Variants in GPR39 observed in about 807,000 individuals in gnomAD.
GPR39 encodes the protein G protein-coupled receptor 39.
GPR39 carries 23 observed loss-of-function variants against 18.4 expected under a neutral mutation model. The ratio of observed to expected loss-of-function variants is 1.25; its 90% CI spans 0.90 to 1.77. The LOEUF (loss-of-function observed/expected upper bound fraction) is 1.77, where lower values mean the gene tolerates loss of function less well. GPR39 is among the 40% of genes most tolerant of loss of function. The probability of loss-of-function intolerance (pLI) is 0.00; values close to 1 mark genes in which losing one functional copy is unlikely to be tolerated. For missense variants in GPR39, 647 were observed against 602.4 expected (o/e 1.07, Z -0.78); for synonymous variants, 280 against 257.9 (o/e 1.09, Z -0.82).
At chr2:132,490,640 C>T (rs1475564600) in intron 1 of GPR39, among the ~76,000 whole-genome samples, 1 of 151,806 alleles carries the variant, frequency 6.6e-6, no homozygotes, top group African/African-American at 2.4e-5. Flanking sequence ...GAATGTGAGG[C>T]AGGAGGGGGA....
intron 1 of GPR39, among the ~76,000 whole-genome samples, chr2:132,584,308 G>A (rs1013519992): frequency 6.6e-6 from 1 of 152,144 alleles, no homozygotes; most frequent in Middle Eastern, 3.2e-3. Flanking sequence ...AAAGGCCTGC[G>A]TGTTCCTCTC....
At chr2:132,613,053 A>G (rs770706121) in intron 1 of GPR39, among the ~76,000 whole-genome samples, 1 of 152,208 alleles carries the variant, frequency 6.6e-6, no homozygotes, top group South Asian at 2.1e-4. Context: ...ATATTTTAAA[A>G]TGCTATTATG....
Position 132,500,221 on chromosome 2 carries a change from G to A in GPR39, c.856+82323G>A, listed in dbSNP as rs535376936. Among the ~76,000 whole-genome samples the A allele has an allele frequency of 3.9e-5, 6 of 152,234 alleles. No individual in the cohort carries two copies. The East Asian group carries it at 1.2e-3, about 29-fold the overall frequency. On this transcript the variant is annotated intron_variant, in intron 1 of 1. Coordinates refer to ENST00000329321, the MANE Select transcript of GPR39 (RefSeq NM_001508.3). ...TCAGTATAATGTTGGCTGTGGGTTT[G>A]TCATAGATGGCTTTTATTACCTTAA...
intron 1 of GPR39, among the ~76,000 whole-genome samples, chr2:132,575,807 A>G (rs1162211561): frequency 6.6e-6 from 1 of 152,188 alleles, no homozygotes; most frequent in Non-Finnish European, 1.5e-5. Context: ...CCTAAAATTG[A>G]TATGATGTAA....
rs754557781 is a variant in GPR39, at chr2:132,646,198, C to T, written c.*592C>T. On this transcript the variant is annotated 3_prime_UTR_variant, in exon 2 of 2. Transcript: ENST00000329321. Reference sequence around the variant, plus strand: ...AGCTGATGCAAACTGAGTTCAGTTTCCCTGGGGAGCAGAAGGACTGGTACC... The same window carrying T: ...AGCTGATGCAAACTGAGTTCAGTTTTCCTGGGGAGCAGAAGGACTGGTACC... 6.2e-7 allele frequency: 1 copy of T among 1,607,518 alleles called. No homozygotes were observed. Among genetic ancestry groups the T allele is most frequent in the South Asian group, 1.1e-5 (1 of 89,924 alleles).
chr2:132,568,417 C>T (rs1486781605), intron 1 of GPR39, among the ~76,000 whole-genome samples: 1 of 152,002 alleles, frequency 6.6e-6, no homozygotes, highest in Non-Finnish European at 1.5e-5. Flanking sequence ...TAAAAACAAC[C>T]TAGGTTGGCC....
intron 1 of GPR39, among the ~76,000 whole-genome samples, chr2:132,640,902 A>G (rs921803844): frequency 6.6e-6 from 1 of 152,138 alleles, no homozygotes; most frequent in African/African-American, 2.4e-5. Flanking sequence ...TAAAATGACA[A>G]ATTTTACAAG....
At position 132,645,304 on chromosome 2, in the gene GPR39, G is replaced by T. The variant is rs748285051; in HGVS notation, c.1060G>T (p.Val354Leu). 4 of 1,614,092 alleles carry T rather than the reference G, an allele frequency of 2.5e-6. No homozygotes were observed. The Admixed American group carries it at 5.0e-5, about 20-fold the overall frequency. Residue 354 changes from valine (V) to leucine (L), a missense_variant, in exon 2 of 2, where the codon GTG becomes TTG. This residue lies in a region of GPR39 where 581 missense variants were observed against 506.8 expected (regional missense o/e 1.15). Transcript: ENST00000329321. ...GGTGTCCTCGCAGCAGTTTCGGCGG[G>T]TGTTCGTGCAGGTGCTGTGCTGCCG... Reference protein sequence around the residue: ...YTVSSQQFRRVFVQVLCCRLS... With the variant: ...YTVSSQQFRRLFVQVLCCRLS...
chr2:132,451,811 A>G (rs1216435007), intron 1 of GPR39, among the ~76,000 whole-genome samples: 1 of 152,112 alleles, frequency 6.6e-6, no homozygotes, highest in Non-Finnish European at 1.5e-5. Context: ...CTACATTTTC[A>G]GGGTTTATAA....
chr2:132,579,228 A>T (rs1190907249), intron 1 of GPR39, among the ~76,000 whole-genome samples: 1 of 150,656 alleles, frequency 6.6e-6, no homozygotes, highest in East Asian at 1.9e-4. Flanking sequence ...TCTTTGATTC[A>T]TGGATTATTT....
chr2:132,645,397 G>T lies in GPR39; in HGVS notation c.1153G>T (p.Ala385Ser), dbSNP rs368703441. The change falls in exon 2 of 2, where the codon GCC becomes TCC. Residue 385 changes from alanine (A) to serine (S), a missense_variant. Coordinates refer to ENST00000329321, the MANE Select transcript of GPR39 (RefSeq NM_001508.3). ...ACATGCGCACTCCACCACCGACAGC[G>T]CCCGCTTTGTGCAGCGCCCGTTGCT... ...RVHAHSTTDS[A>S]RFVQRPLLFA... 6.2e-7 allele frequency: 1 copy of T among 1,613,622 alleles called. No homozygotes were observed. The highest frequency in any genetic ancestry group is 1.1e-5 in the South Asian group (1 of 91,066).
Position 132,417,060 on chromosome 2 carries a change from C to T in GPR39, c.18C>T (p.Leu6=), listed in dbSNP as rs1405422133. MASPS[L]PGSDCSQIID... is the part of the protein sequence containing the mutation. ...TCTTTCTCATGGCTTCACCCAGCCT[C>T]CCGGGCAGTGACTGCTCCCAAATCA... The change falls in exon 1 of 2, where the codon CTC becomes CTT. Residue 6 remains leucine, a synonymous_variant. Coordinates refer to ENST00000329321, the MANE Select transcript of GPR39 (RefSeq NM_001508.3). The T allele has an allele frequency of 5.6e-6, 9 of 1,613,988 alleles. No individual in the cohort carries two copies. Among genetic ancestry groups the T allele is most frequent in the Admixed American group, 5.0e-5 (3 of 60,030 alleles).
intron 1 of GPR39, among the ~76,000 whole-genome samples, chr2:132,456,178 T>G (rs1027681773): frequency 6.6e-6 from 1 of 152,228 alleles, no homozygotes; most frequent in Non-Finnish European, 1.5e-5. Context: ...GGTGGATATA[T>G]ATTTAGGATA....
At chr2:132,582,592 C>A (rs940644821) in intron 1 of GPR39, among the ~76,000 whole-genome samples, 2 of 152,028 alleles carry the variant, frequency 1.3e-5, no homozygotes, top group African/African-American at 4.8e-5. Flanking sequence ...GGATTCTTAG[C>A]GGAGTAAGGT....
intron 1 of GPR39, among the ~76,000 whole-genome samples, chr2:132,540,447 C>G (rs1034308123): frequency 4.6e-5 from 7 of 152,232 alleles, no homozygotes; most frequent in Non-Finnish European, 1.0e-4. Flanking sequence ...TCTACTGACT[C>G]CTTGGTTTTT....
chr2:132,498,018 T>C (rs138439326), intron 1 of GPR39, among the ~76,000 whole-genome samples: 124 of 152,374 alleles, frequency 8.1e-4, no homozygotes, highest in African/African-American at 3.0e-3. Context: ...ACTTCAGTTA[T>C]GACGACAATA....
chr2:132,517,648 G>A (rs1679356578), intron 1 of GPR39, among the ~76,000 whole-genome samples: 1 of 152,080 alleles, frequency 6.6e-6, no homozygotes, highest in South Asian at 2.1e-4. Context: ...TACTTCTCAT[G>A]GTAAATTATG....
At chr2:132,418,857 G>A (rs533149974) in intron 1 of GPR39, among the ~76,000 whole-genome samples, 27 of 152,272 alleles carry the variant, frequency 1.8e-4, no homozygotes, top group Non-Finnish European at 2.9e-4. Flanking sequence ...AATCAAAAAG[G>A]AATAGATATA....
chr2:132,450,394 TG>T (rs1416980147), intron 1 of GPR39, among the ~76,000 whole-genome samples: 6 of 152,250 alleles, frequency 3.9e-5, no homozygotes, highest in African/African-American at 1.4e-4. Context: ...TACTTTGTAA[TG>T]GACATTTGAT....
Sources: gnomAD v4.1 joint callset for allele counts (sites outside exome capture counted in the v4.1 genomes callset) on GRCh38, gnomAD v4.1.1 for gene constraint, gnomAD v4.1.1 regional missense constraint, MANE v1.5 for transcripts, NCBI Gene and HGNC (gene_info 2026-07-23, HGNC 2026-07-21) for gene names.